DPY19L3: variants seen among roughly 807,000 people sequenced by gnomAD.
The protein encoded by DPY19L3 is dpy-19 like C-mannosyltransferase 3.
Under a neutral mutation model 92.3 loss-of-function variants are expected in DPY19L3, and 51 were observed. That is an observed-to-expected ratio of 0.55 (90% CI 0.44 to 0.70). DPY19L3 has a LOEUF of 0.70. Among genes scored for constraint, DPY19L3 ranks in the 30% least tolerant of loss-of-function variants. The pLI is 0.00. For synonymous variants in DPY19L3, 309 were observed against 315.2 expected, an observed-to-expected ratio of 0.98 and a Z score of 0.21; for missense variants, 706 against 855.9, an observed-to-expected ratio of 0.82 and a Z score of 2.18.
chr19:32,477,361 T>C, intron 16 of DPY19L3, 161 bp from the exon 17 acceptor site: 2 of 874,950 alleles, frequency 2.3e-6, no homozygotes, highest in Non-Finnish European at 3.4e-6. Flanking sequence ...CTCAATAGTT[T>C]GAGTACAAAT....
chr19:32,407,850 T>C (rs1968029443), intron 1 of DPY19L3, among the ~76,000 whole-genome samples: 1 of 152,144 alleles, frequency 6.6e-6, no homozygotes, highest in Admixed American at 6.5e-5. Context: ...CCTAGCACTT[T>C]GGGAGTCCAA....
chr19:32,468,702 TTTTTG>T (rs965007409), intron 15 of DPY19L3, 24 bp from the exon 16 acceptor site: 7 of 1,611,218 alleles, frequency 4.3e-6, no homozygotes, highest in East Asian at 2.2e-5. Context: ...GTGGATTTTG[TTTTTG>T]TTTTGTTTTG....
intron 3 of DPY19L3, among the ~76,000 whole-genome samples, chr19:32,427,180 A>G (rs769100331): frequency 2.0e-5 from 3 of 152,128 alleles, no homozygotes; most frequent in Admixed American, 6.6e-5. Flanking sequence ...TTTTTAGTAC[A>G]GCCTGGGTCT....
At chr19:32,411,000 C>G (rs1283204825) in intron 2 of DPY19L3, among the ~76,000 whole-genome samples, 1 of 152,164 alleles carries the variant, frequency 6.6e-6, no homozygotes, top group Non-Finnish European at 1.5e-5. Flanking sequence ...ATGTATTTGT[C>G]TTCAAGAAGC....
rs1349611738 is a variant in DPY19L3, at chr19:32,480,258, C to T, written c.1831-141C>T. ...CACACACTCCAGGCCTGCAAATGAG[C>T]GAGTGCAGCGTGGCCTGGGCTGGAG... On this transcript the variant is annotated intron_variant, in intron 17 of 18. Coordinates refer to ENST00000392250, the MANE Select transcript of DPY19L3 (RefSeq NM_001172774.2). 10 of 874,438 alleles carry T rather than the reference C, an allele frequency of 1.1e-5. No homozygotes were observed. The East Asian group carries it at 1.4e-4, about 12-fold the overall frequency. 54.2% of individuals were successfully genotyped at this position (874,438 alleles called of 1,614,324 possible). A position where few individuals can be genotyped will look rare whatever the true frequency, so the allele number is the denominator to read the frequency against.
chr19:32,463,507 T>TTTG lies in DPY19L3; in HGVS notation c.1445+22_1445+24dup. On this transcript the variant is annotated intron_variant, in intron 13 of 18. Transcript: ENST00000392250. Reference sequence around the variant, plus strand: ...CAATGAGGTATTTTTGTCTTACCTGTTTGTTTACTTTTTATTTGATCACTC... The same window carrying TTTG: ...CAATGAGGTATTTTTGTCTTACCTGTTTGTTGTTTACTTTTTATTTGATCACTC... 1.2e-6 allele frequency: 2 copies of TTTG among 1,605,386 alleles called. No homozygotes were observed. Among genetic ancestry groups the TTTG allele is most frequent in the Non-Finnish European group, 8.5e-7 (1 of 1,175,340 alleles).
rs1410477716 is a variant in DPY19L3, at chr19:32,438,912, A to AT, written c.597-200_597-199insT. On this transcript the variant is annotated intron_variant, in intron 6 of 18. Transcript: ENST00000392250. ...GGGCATACCCATGGACAGAGCACTT[A>AT]AATGTTCTCTATGCCAATTTTATGT... 2.3e-5 allele frequency: 14 copies of AT among 604,834 alleles called. No individual in the cohort carries two copies. The Admixed American group carries it at 3.7e-4, about 16-fold the overall frequency. The allele number at this position is 604,834 out of a possible 1,614,324, so 37.5% of individuals were successfully genotyped here.
At chr19:32,464,643 C>T in intron 14 of DPY19L3, 85 bp from the exon 15 acceptor site, 2 of 813,472 alleles carry the variant, frequency 2.5e-6, no homozygotes, top group Admixed American at 3.1e-5. Context: ...TCCAGGCCAG[C>T]CTAGGCAAAC....
rs185715799 is a variant in DPY19L3 at position 32,421,064 on chromosome 19, G to A, written c.237+9692G>A. Among the ~76,000 whole-genome samples, 380 of 152,120 alleles carry A rather than the reference G, an allele frequency of 2.5e-3. 2 individuals carry two copies. Among genetic ancestry groups the A allele is most frequent in the African/African-American group, 8.9e-3 (371 of 41,482 alleles). The stretch of plus-strand genomic sequence containing the variant: ...TCACAAAACTTTTATAATTATGTAA[G>A]TAGTTATGGTTTTATAATTTCATAT... On this transcript the variant is annotated intron_variant, in intron 3 of 18. Coordinates refer to ENST00000392250, the MANE Select transcript of DPY19L3 (RefSeq NM_001172774.2).
chr19:32,444,564 G>A (rs1174312613), intron 8 of DPY19L3, among the ~76,000 whole-genome samples: 3 of 152,012 alleles, frequency 2.0e-5, no homozygotes, highest in African/African-American at 4.8e-5. Flanking sequence ...AAATACTTTC[G>A]GAAAAAATAG....
intron 3 of DPY19L3, among the ~76,000 whole-genome samples, chr19:32,432,148 T>C (rs2145476152): frequency 6.6e-6 from 1 of 152,324 alleles, no homozygotes; most frequent in South Asian, 2.1e-4. Context: ...AAGTATCTTG[T>C]AACTAAATTG....
chr19:32,480,751 G>T, intron 18 of DPY19L3, 194 bp downstream of exon 18: 2 of 749,408 alleles, frequency 2.7e-6, no homozygotes, highest in Non-Finnish European at 4.2e-6. Context: ...GCTGGGCAAG[G>T]GAGAGGTGAG....
At chr19:32,416,900 T>A (rs1197857594) in intron 3 of DPY19L3, among the ~76,000 whole-genome samples, 4 of 152,242 alleles carry the variant, frequency 2.6e-5, no homozygotes, top group African/African-American at 9.6e-5. Context: ...TGCTAGCACA[T>A]GGCTCAAAGC....
chr19:32,463,018 C>T (rs1970086843), intron 12 of DPY19L3, among the ~76,000 whole-genome samples: 1 of 151,416 alleles, frequency 6.6e-6, no homozygotes, highest in African/African-American at 2.4e-5. Context: ...GAAAAATACT[C>T]ATAATAACTG....
At chr19:32,410,798 T>C (rs59291587) in intron 2 of DPY19L3, among the ~76,000 whole-genome samples, 5,919 of 152,120 alleles carry the variant, frequency 0.039, 364 homozygotes, top group African/African-American at 0.14. Context: ...ACAATAATTA[T>C]TTTTTAGGTA....
chr19:32,407,272 A>T (rs7256222), intron 1 of DPY19L3, among the ~76,000 whole-genome samples: 2 of 93,512 alleles, frequency 2.1e-5, no homozygotes, highest in East Asian at 2.9e-4. Flanking sequence ...GCTCCCCCCC[A>T]CCCATTACTC....
At chr19:32,449,652 G>A (rs1364037918) in intron 8 of DPY19L3, among the ~76,000 whole-genome samples, 3 of 152,168 alleles carry the variant, frequency 2.0e-5, no homozygotes, top group Non-Finnish European at 4.4e-5. Context: ...ACAAGGGTGT[G>A]AAGATAACTA....
Position 32,454,881 on chromosome 19 carries a change from G to C in DPY19L3, c.988-58G>C, listed in dbSNP as rs80138321. ...AAATCCTTAAGTAAGCTCATCTTCA[G>C]TGTTTATGAAGTTATATTAAAACTT... On this transcript the variant is annotated intron_variant, in intron 9 of 18. Transcript: ENST00000392250. The C allele has an allele frequency of 1.8e-3, 2,052 of 1,118,726 alleles. 35 individuals carry two copies. In the East Asian group the frequency reaches 0.038, roughly 21 times the overall value. The allele number at this position is 1,118,726 out of a possible 1,614,324, so 69.3% of individuals were successfully genotyped here.
chr19:32,479,221 T>A (rs1970600884), intron 17 of DPY19L3, among the ~76,000 whole-genome samples: 1 of 152,114 alleles, frequency 6.6e-6, no homozygotes, highest in South Asian at 2.1e-4. Context: ...AAATAGGAAT[T>A]TTTTGATGGG....
Sources: allele counts gnomAD v4.1 joint callset (sites outside exome capture counted in the v4.1 genomes callset), GRCh38; gene constraint gnomAD v4.1.1; transcripts MANE v1.5; gene names NCBI Gene and HGNC (gene_info 2026-07-23, HGNC 2026-07-21).